ZMAT4: variants seen among roughly 807,000 people sequenced by gnomAD.
The protein encoded by ZMAT4 is zinc finger matrin-type 4.
A neutral mutation model predicts 28.7 loss-of-function variants in ZMAT4; 17 were observed. That is an observed-to-expected ratio of 0.59 (90% confidence interval 0.41 to 0.89). ZMAT4 has a LOEUF of 0.89. Ranked by LOEUF, ZMAT4 falls within the 40% of genes least tolerant of loss-of-function variation. The pLI is 0.00. For synonymous variants in ZMAT4, 117 were observed against 109.2 expected (o/e 1.07, Z -0.44); for missense variants, 240 against 283.8 (o/e 0.85, Z 1.11).
chr8:40,771,446 G>T (rs1173709484), intron 2 of ZMAT4, among the ~76,000 whole-genome samples: 1 of 151,472 alleles, frequency 6.6e-6, no homozygotes, highest in African/African-American at 2.4e-5. Context: ...TAATAATTTT[G>T]CAATGCTTAA....
chr8:40,876,462 G>A (rs185383756), intron 1 of ZMAT4, among the ~76,000 whole-genome samples: 5 of 151,844 alleles, frequency 3.3e-5, no homozygotes, highest in East Asian at 3.9e-4. Context: ...ATAGGCAGGC[G>A]CCACCATGCC....
At chr8:40,747,192 G>C (rs1392934725) in intron 3 of ZMAT4, among the ~76,000 whole-genome samples, 1 of 152,194 alleles carries the variant, frequency 6.6e-6, no homozygotes, top group Non-Finnish European at 1.5e-5. Context: ...ACAATCCACT[G>C]ATCCGTTTGG....
At chr8:40,782,843 T>C (rs531745526) in intron 2 of ZMAT4, among the ~76,000 whole-genome samples, 11 of 152,312 alleles carry the variant, frequency 7.2e-5, no homozygotes, top group Admixed American at 2.0e-4. Context: ...CCATCATTGG[T>C]CACTGGAAAA....
intron 5 of ZMAT4, among the ~76,000 whole-genome samples, chr8:40,636,152 T>A (rs916026982): frequency 1.3e-5 from 2 of 152,220 alleles, no homozygotes; most frequent in Admixed American, 6.5e-5. Context: ...GCTTTTTAAT[T>A]CAGTGGACGT....
intron 2 of ZMAT4, among the ~76,000 whole-genome samples, chr8:40,776,092 T>C (rs1360323629): frequency 6.6e-6 from 1 of 152,224 alleles, no homozygotes; most frequent in Middle Eastern, 3.2e-3. Flanking sequence ...AAATCTGGTA[T>C]CTTGTTATGA....
intron 1 of ZMAT4, among the ~76,000 whole-genome samples, chr8:40,861,544 C>T (rs939672354): frequency 6.6e-6 from 1 of 152,218 alleles, no homozygotes; most frequent in African/African-American, 2.4e-5. Context: ...ACACCAAAAG[C>T]AATGGCAACA....
intron 6 of ZMAT4, among the ~76,000 whole-genome samples, chr8:40,567,186 A>T (rs1390331779): frequency 6.6e-6 from 1 of 152,078 alleles, no homozygotes; most frequent in African/African-American, 2.4e-5. Context: ...AATAACACCA[A>T]CATTTCTGAA....
At chr8:40,563,560 A>G (rs574459284) in intron 6 of ZMAT4, among the ~76,000 whole-genome samples, 2 of 152,316 alleles carry the variant, frequency 1.3e-5, no homozygotes, top group Admixed American at 6.5e-5. Context: ...GATGCAATTC[A>G]TCTTCTTTGA....
At chr8:40,820,629 T>C (rs908257404) in intron 2 of ZMAT4, among the ~76,000 whole-genome samples, 1 of 110,610 alleles carries the variant, frequency 9.0e-6, no homozygotes, top group Non-Finnish European at 2.1e-5. Flanking sequence ...TGTGTGTATG[T>C]GTGTGGGAGT....
chr8:40,852,294 A>G (rs1265676221), intron 1 of ZMAT4, among the ~76,000 whole-genome samples: 1 of 152,210 alleles, frequency 6.6e-6, no homozygotes. Flanking sequence ...GCTTCCTGCA[A>G]CTTTACTTTA....
At chr8:40,820,572 TG>T (rs1184067036) in intron 2 of ZMAT4, among the ~76,000 whole-genome samples, 3 of 137,090 alleles carry the variant, frequency 2.2e-5, no homozygotes, top group Non-Finnish European at 4.7e-5. Flanking sequence ...GAGTGTGTTT[TG>T]GTGTTTATGT....
intron 1 of ZMAT4, among the ~76,000 whole-genome samples, chr8:40,825,994 C>A (rs1470938034): frequency 6.6e-6 from 1 of 152,194 alleles, no homozygotes; most frequent in Non-Finnish European, 1.5e-5. Context: ...CACCGTGGCT[C>A]ACGCCTGTAG....
At chr8:40,738,913 A>G (rs1302270368) in intron 3 of ZMAT4, among the ~76,000 whole-genome samples, 1 of 152,202 alleles carries the variant, frequency 6.6e-6, no homozygotes, top group South Asian at 2.1e-4. Flanking sequence ...TCGTGTGTCA[A>G]CTTCATTAAT....
intron 3 of ZMAT4, among the ~76,000 whole-genome samples, chr8:40,764,198 A>G (rs1813051094): frequency 6.6e-6 from 1 of 152,164 alleles, no homozygotes; most frequent in African/African-American, 2.4e-5. Flanking sequence ...AAGGCAATTG[A>G]CCATAACAAT....
chr8:40,775,944 T>A (rs1176892885), intron 2 of ZMAT4, among the ~76,000 whole-genome samples: 1 of 152,108 alleles, frequency 6.6e-6, no homozygotes, highest in East Asian at 1.9e-4. Flanking sequence ...GAAAAGGCCA[T>A]GTGAGGATAC....
intron 5 of ZMAT4, among the ~76,000 whole-genome samples, chr8:40,617,101 A>G (rs1476825095): frequency 6.6e-6 from 1 of 152,180 alleles, no homozygotes. Context: ...ATATCGTGAC[A>G]TGGTGTGATG....
At chr8:40,812,955 TAAATTAAATTAAA>T (rs1046881298) in intron 2 of ZMAT4, among the ~76,000 whole-genome samples, 1 of 145,734 alleles carries the variant, frequency 6.9e-6, no homozygotes, top group African/African-American at 2.5e-5. Context: ...TAAATTAAAT[TAAATTAAATTAAA>T]TTAAATTAAA....
At chr8:40,548,837 C>T (rs907044888) in intron 6 of ZMAT4, among the ~76,000 whole-genome samples, 4 of 152,116 alleles carry the variant, frequency 2.6e-5, no homozygotes, top group African/African-American at 9.7e-5. Flanking sequence ...ATCTTGTAGG[C>T]ATTACATCAA....
At chr8:40,535,132 C>A (rs1014613583) in intron 6 of ZMAT4, among the ~76,000 whole-genome samples, 2 of 152,102 alleles carry the variant, frequency 1.3e-5, no homozygotes, top group Non-Finnish European at 2.9e-5. Context: ...GGGAATGTGG[C>A]GCGACATAGA....
Sources: gnomAD v4.1 joint callset for allele counts (sites outside exome capture counted in the v4.1 genomes callset) on GRCh38, gnomAD v4.1.1 for gene constraint, MANE v1.5 for transcripts, NCBI Gene and HGNC (gene_info 2026-07-23, HGNC 2026-07-21) for gene names.